The following KCNH8 variants were observed in gnomAD, a reference collection of about 807,000 sequenced individuals.
KCNH8 encodes voltage-gated delayed rectifier potassium channel KCNH8.
KCNH8 carries 70 observed loss-of-function variants against 103.6 expected under a neutral mutation model. The ratio of observed to expected loss-of-function variants is 0.68; its 90% CI spans 0.56 to 0.82. The LOEUF is 0.82. Among genes scored for constraint, KCNH8 ranks in the 40% least tolerant of loss-of-function variants. The pLI is 0.00. For synonymous variants in KCNH8, 498 were observed against 489.4 expected, an observed-to-expected ratio of 1.02 and a Z score of -0.23; for missense variants, 1,217 against 1,329.9, an observed-to-expected ratio of 0.92 and a Z score of 1.32.
chr3:19,452,737 C>G (rs1303542348), intron 10 of KCNH8, among the ~76,000 whole-genome samples: 1 of 152,210 alleles, frequency 6.6e-6, no homozygotes, highest in Non-Finnish European at 1.5e-5. Flanking sequence ...TGCTCACACA[C>G]AAGGTCTCAT....
At chr3:19,418,072 C>T (rs1286181924) in intron 7 of KCNH8, among the ~76,000 whole-genome samples, 1 of 152,174 alleles carries the variant, frequency 6.6e-6, no homozygotes, top group Non-Finnish European at 1.5e-5. Flanking sequence ...ACAGAAATAA[C>T]TCTGAATCTC....
In KCNH8 at chr3:19,182,434, G is replaced by C. The variant is rs1180148651; in HGVS notation, c.76+33639G>C. Among the ~76,000 whole-genome samples the C allele has an allele frequency of 3.3e-5, 5 of 152,332 alleles. No homozygotes were observed. The East Asian group carries it at 9.7e-4, about 29-fold the overall frequency. ...TAGTCCCAGCTACTTGGGAGGCTGAGGCAGGAGAACGGCATGAACCCGGGA... is the reference window on the plus strand; with the variant it reads ...TAGTCCCAGCTACTTGGGAGGCTGACGCAGGAGAACGGCATGAACCCGGGA... On this transcript the variant is annotated intron_variant, in intron 1 of 15. Coordinates refer to ENST00000328405, the MANE Select transcript of KCNH8 (RefSeq NM_144633.3).
At chr3:19,298,524 A>G (rs1402604248) in intron 3 of KCNH8, among the ~76,000 whole-genome samples, 3 of 152,246 alleles carry the variant, frequency 2.0e-5, no homozygotes, top group African/African-American at 7.2e-5. Context: ...GTGAAAGTAA[A>G]AATCATGTGA....
chr3:19,518,765 C>T (rs182375395), intron 15 of KCNH8, among the ~76,000 whole-genome samples: 5 of 152,112 alleles, frequency 3.3e-5, no homozygotes, highest in Admixed American at 6.6e-5. Flanking sequence ...CAGCCTTAGA[C>T]AACCACTTAT....
chr3:19,453,415 C>T (rs2067479740), intron 10 of KCNH8, among the ~76,000 whole-genome samples: 1 of 152,050 alleles, frequency 6.6e-6, no homozygotes, highest in African/African-American at 2.4e-5. Context: ...ATTCTGGCTA[C>T]TAAGCTTCAA....
At chr3:19,502,674 G>A (rs2068611150) in intron 11 of KCNH8, among the ~76,000 whole-genome samples, 1 of 151,786 alleles carries the variant, frequency 6.6e-6, no homozygotes, top group Admixed American at 6.6e-5. Flanking sequence ...CAAGCAATGG[G>A]GAAAGGATTC....
intron 3 of KCNH8, among the ~76,000 whole-genome samples, chr3:19,308,761 CCTCTCT>C (rs1559470240): frequency 3.2e-5 from 1 of 31,004 alleles, no homozygotes; most frequent in African/African-American, 1.9e-4. Flanking sequence ...TCCCTCTCTC[CCTCTCT>C]CCCTCCCTCT....
At chr3:19,364,843 C>T (rs1298079059) in intron 5 of KCNH8, among the ~76,000 whole-genome samples, 1 of 152,126 alleles carries the variant, frequency 6.6e-6, no homozygotes, top group Non-Finnish European at 1.5e-5. Flanking sequence ...CGTATTGCTT[C>T]ATTAGGCTTT....
intron 7 of KCNH8, among the ~76,000 whole-genome samples, chr3:19,400,798 C>T (rs2066601436): frequency 2.0e-5 from 3 of 151,764 alleles, no homozygotes; most frequent in Admixed American, 6.6e-5. Context: ...TTAGCATTTA[C>T]AAGCCTTTTG....
At chr3:19,319,626 T>C (rs1161581707) in intron 3 of KCNH8, among the ~76,000 whole-genome samples, 1 of 152,080 alleles carries the variant, frequency 6.6e-6, no homozygotes. Context: ...TCTTTTTGCT[T>C]AGTCTTGCTT....
At chr3:19,520,981 T>G (rs1013777707) in intron 15 of KCNH8, among the ~76,000 whole-genome samples, 3 of 152,006 alleles carry the variant, frequency 2.0e-5, no homozygotes, top group African/African-American at 7.2e-5. Flanking sequence ...TTAAAAGATG[T>G]GGGGCAGCTG....
At chr3:19,204,460 T>C (rs545264472) in intron 1 of KCNH8, among the ~76,000 whole-genome samples, 26 of 152,116 alleles carry the variant, frequency 1.7e-4, no homozygotes, top group African/African-American at 5.5e-4. Flanking sequence ...GTGTGTGTTC[T>C]GAACGCGATT....
intron 15 of KCNH8, among the ~76,000 whole-genome samples, chr3:19,531,333 G>A (rs1312546107): frequency 6.6e-6 from 1 of 152,214 alleles, no homozygotes; most frequent in African/African-American, 2.4e-5. Flanking sequence ...CTGGGGTAAT[G>A]ATTTAAGTGT....
intron 11 of KCNH8, among the ~76,000 whole-genome samples, chr3:19,471,935 G>C (rs144388543): frequency 8.5e-4 from 130 of 152,234 alleles, no homozygotes; most frequent in South Asian, 2.7e-3. Flanking sequence ...ATGAAGCACA[G>C]CACTTTTTGA....
At chr3:19,382,685 A>AATG (rs35835042) in intron 5 of KCNH8, among the ~76,000 whole-genome samples, 11,364 of 152,106 alleles carry the variant, frequency 0.075, 518 homozygotes, top group Middle Eastern at 0.13. Context: ...TAATAATAAT[A>AATG]ATAATGACAA....
At chr3:19,451,880 T>G (rs114149132) in intron 10 of KCNH8, among the ~76,000 whole-genome samples, 5,019 of 152,274 alleles carry the variant, frequency 0.033, 113 homozygotes, top group Middle Eastern at 0.054. Flanking sequence ...TAGCAGTCAT[T>G]AACCTAATAC....
intron 1 of KCNH8, among the ~76,000 whole-genome samples, chr3:19,236,816 C>G (rs2064072105): frequency 1.3e-5 from 2 of 152,146 alleles, no homozygotes; most frequent in African/African-American, 4.8e-5. Context: ...TAACACCTTT[C>G]TGTAATACTC....
intron 3 of KCNH8, among the ~76,000 whole-genome samples, chr3:19,332,779 C>G (rs1196841054): frequency 1.3e-5 from 2 of 151,910 alleles, no homozygotes; most frequent in Non-Finnish European, 2.9e-5. Context: ...ATTACAGGTG[C>G]ACGCCACCAC....
intron 5 of KCNH8, among the ~76,000 whole-genome samples, chr3:19,374,068 A>T (rs1172173168): frequency 6.6e-6 from 1 of 152,076 alleles, no homozygotes; most frequent in Non-Finnish European, 1.5e-5. Flanking sequence ...TGTGGTGCTC[A>T]AAAAAATGTA....
Sources: gnomAD v4.1 joint callset for allele counts (sites outside exome capture counted in the v4.1 genomes callset) on GRCh38, gnomAD v4.1.1 for gene constraint, MANE v1.5 for transcripts, NCBI Gene and HGNC (gene_info 2026-07-23, HGNC 2026-07-21) for gene names.